PIGA: variants seen among roughly 807,000 people sequenced by gnomAD.
The protein encoded by PIGA is phosphatidylinositol glycan anchor biosynthesis class A, also known as phosphatidylinositol N-acetylglucosaminyltransferase subunit A.
PIGA carries 3 observed loss-of-function variants against 17.1 expected under a neutral mutation model. The ratio of observed to expected loss-of-function variants is 0.18; its 90% confidence interval spans 0.08 to 0.45. PIGA has a LOEUF of 0.45. PIGA is among the 20% of genes least tolerant of loss of function. The pLI is 0.99. For synonymous variants in PIGA, 126 were observed against 135.1 expected (o/e 0.93, Z 0.47); for missense variants, 231 against 374.1 (o/e 0.62, Z 3.16).
At chrX:15,327,829 ATACTT>A (rs975653726) in intron 2 of PIGA, 21 of 112,122 alleles carry the variant, frequency 1.9e-4, no homozygotes, top group Admixed American at 1.9e-4. Flanking sequence ...GACAGGCAAT[ATACTT>A]TAAATTCATT....
intron 1 of PIGA, among the ~76,000 whole-genome samples, chrX:15,334,577 T>C (rs1922274107): frequency 9.0e-6 from 1 of 111,645 alleles, no homozygotes; most frequent in African/African-American, 3.3e-5. Context: ...TTACCAAATA[T>C]TGAAATTCCC....
chrX:15,319,929 T>C lies in PIGA; in HGVS notation c.*1577A>G, dbSNP rs1921747537. The C allele has an allele frequency of 8.9e-6, 1 of 111,980 alleles. No homozygotes were observed. Among genetic ancestry groups the C allele is most frequent in the African/African-American group, 3.2e-5 (1 of 30,816 alleles). The allele number at this position is 111,980 out of a possible 1,213,427, so 9.2% of individuals were successfully genotyped here. On this transcript the variant is annotated 3_prime_UTR_variant, in exon 6 of 6. Coordinates refer to ENST00000333590, the MANE Select transcript of PIGA (RefSeq NM_002641.4). ...AATAATGGCCAAATATTACAGTTTC[T>C]CACTTTCCTATGAATACTGGCACTG...
chrX:15,334,283 C>G lies in PIGA; in HGVS notation c.-63+1218G>C, dbSNP rs141093019. Among the ~76,000 whole-genome samples, 480 of 106,574 alleles carry G rather than the reference C, an allele frequency of 4.5e-3. 5 individuals carry two copies. The highest frequency in any genetic ancestry group is 0.015 in the African/African-American group (447 of 28,969). 92.5% of individuals were successfully genotyped at this position (106,574 alleles called of 115,157 possible). A position where few individuals can be genotyped will look rare whatever the true frequency, so the allele number is the denominator to read the frequency against. On this transcript the variant is annotated intron_variant, in intron 1 of 5. Coordinates refer to ENST00000333590, the MANE Select transcript of PIGA (RefSeq NM_002641.4). ...TCGTCTCACTGCAGCCTCTGCCTCC[C>G]GAGTTCAAGCGATTCTCCCACTTCA... is the stretch of plus-strand genomic sequence containing the variant.
chrX:15,335,389 A>T, intron 1 of PIGA, 112 bp downstream of exon 1: 1 of 726,189 alleles, frequency 1.4e-6, no homozygotes, highest in Non-Finnish European at 1.8e-6. Context: ...CCGGGCTTCG[A>T]ACCGGGTCGG....
intron 1 of PIGA, among the ~76,000 whole-genome samples, chrX:15,333,318 T>C (rs1234294818): frequency 8.9e-6 from 1 of 112,674 alleles, no homozygotes; most frequent in Non-Finnish European, 1.9e-5. Flanking sequence ...ACTATCTTTT[T>C]GAGAGCACCT....
intron 5 of PIGA, among the ~76,000 whole-genome samples, chrX:15,323,422 G>C (rs1921874812): frequency 9.0e-6 from 1 of 111,029 alleles, no homozygotes; most frequent in Admixed American, 9.6e-5. Context: ...GAGTGGTTGG[G>C]GAGGCAGGGG....
At chrX:15,335,439 A>T in intron 1 of PIGA, 62 bp downstream of exon 1, 1 of 965,296 alleles carries the variant, frequency 1.0e-6, no homozygotes, top group East Asian at 4.1e-5. Flanking sequence ...CCACGCGCGC[A>T]GAACAGCCCC....
intron 5 of PIGA, 90 bp from the exon 6 acceptor site, chrX:15,321,862 T>TACAAACAAA: frequency 1.2e-6 from 1 of 857,088 alleles, no homozygotes. Flanking sequence ...TGCAGGAACA[T>TACAAACAAA]TTTATAAACA....
intron 1 of PIGA, among the ~76,000 whole-genome samples, chrX:15,333,403 G>C (rs1269149585): frequency 2.7e-5 from 3 of 112,102 alleles, no homozygotes; most frequent in African/African-American, 9.7e-5. Flanking sequence ...TATTTAGGCC[G>C]GGTGCGGTGG....
Position 15,321,472 on chromosome X carries a change from C to T in PIGA, c.*34G>A, listed in dbSNP as rs369011467. 3 of 1,152,605 alleles carry T rather than the reference C, an allele frequency of 2.6e-6. No homozygotes were observed. The highest frequency in any genetic ancestry group is 3.5e-6 in the Non-Finnish European group (3 of 847,475). The allele number at this position is 1,152,605 out of a possible 1,213,427, so 95.0% of individuals were successfully genotyped here. On this transcript the variant is annotated 3_prime_UTR_variant, in exon 6 of 6. Transcript: ENST00000333590. ...TTCCATAGTCTTTATAGAACTATTA[C>T]AAATGTTTAAAATCTTACAATCTAG...
chrX:15,329,203 T>C (rs1329387138), intron 2 of PIGA, among the ~76,000 whole-genome samples: 1 of 112,424 alleles, frequency 8.9e-6, no homozygotes. Flanking sequence ...ACACATCTGT[T>C]TGATGTCAGT....
chrX:15,327,152 C>T lies in PIGA; in HGVS notation c.716-1106G>A, dbSNP rs762754076. ...CGGGCGCCTGTAGTCCCAGCTACTCCGGAGGCTGAGGCAGGAGAATGGCGT... is the reference window on the plus strand; with the variant it reads ...CGGGCGCCTGTAGTCCCAGCTACTCTGGAGGCTGAGGCAGGAGAATGGCGT... On this transcript the variant is annotated intron_variant, in intron 2 of 5. Transcript: ENST00000333590. The T allele has an allele frequency of 6.5e-5, 7 of 107,685 alleles. No individual in the cohort carries two copies. The Admixed American group carries it at 6.9e-4, about 11-fold the overall frequency. The allele number at this position is 107,685 out of a possible 1,213,427, so 8.9% of individuals were successfully genotyped here.
At chrX:15,329,229 C>T (rs1052521434) in intron 2 of PIGA, among the ~76,000 whole-genome samples, 3 of 112,163 alleles carry the variant, frequency 2.7e-5, no homozygotes, top group Admixed American at 9.4e-5. Flanking sequence ...TTGTTATCGT[C>T]GTGTTGAGTA....
At chrX:15,329,867 C>T (rs1276374062) in intron 2 of PIGA, among the ~76,000 whole-genome samples, 2 of 111,121 alleles carry the variant, frequency 1.8e-5, no homozygotes, top group East Asian at 2.8e-4. Flanking sequence ...AGGTGGATCA[C>T]GAGGTCAGGA....
intron 1 of PIGA, among the ~76,000 whole-genome samples, chrX:15,334,702 G>A (rs867740306): frequency 8.9e-6 from 1 of 111,846 alleles, no homozygotes; most frequent in Non-Finnish European, 1.9e-5. Context: ...AGTGAGTAAT[G>A]AACCAAATGA....
At chrX:15,325,852 T>A in intron 3 of PIGA, 62 bp downstream of exon 3, 1 of 1,012,115 alleles carries the variant, frequency 9.9e-7, no homozygotes, top group Non-Finnish European at 1.3e-6. Flanking sequence ...ACGCATGCAG[T>A]TAAAACCAAA....
intron 3 of PIGA, 192 bp from the exon 4 acceptor site, chrX:15,325,344 C>A (rs1437467085): frequency 3.2e-6 from 1 of 309,447 alleles, no homozygotes; most frequent in African/African-American, 2.7e-5. Flanking sequence ...GGTTAAAACT[C>A]ATACAGCGAA....
chrX:15,329,736 A>G (rs1922094111), intron 2 of PIGA, among the ~76,000 whole-genome samples: 1 of 111,375 alleles, frequency 9.0e-6, no homozygotes, highest in Non-Finnish European at 1.9e-5. Flanking sequence ...CTTTTAGTAA[A>G]CAAGCCTCCA....
intron 2 of PIGA, 37 bp from the exon 3 acceptor site, chrX:15,326,083 T>C (rs769987255): frequency 1.7e-5 from 17 of 988,189 alleles, no homozygotes; most frequent in Non-Finnish European, 2.2e-5. Context: ...GATATTAATA[T>C]TTAAACTTAA....
Sources: gnomAD v4.1 joint callset for allele counts (sites outside exome capture counted in the v4.1 genomes callset) on GRCh38, gnomAD v4.1.1 for gene constraint, MANE v1.5 for transcripts, NCBI Gene and HGNC (gene_info 2026-07-23, HGNC 2026-07-21) for gene names.